The following PLA2G4A variants were observed in gnomAD, a reference collection of about 807,000 sequenced individuals.
PLA2G4A encodes phospholipase A2 group IVA, also known as cytosolic phospholipase A2.
PLA2G4A carries 40 observed loss-of-function variants against 81.9 expected under a neutral mutation model. The observed-to-expected ratio is 0.49, with a 90% CI of 0.38 to 0.64. PLA2G4A has a LOEUF of 0.64. Among genes scored for constraint, PLA2G4A ranks in the 30% least tolerant of loss-of-function variants. The pLI is 0.00. For missense variants in PLA2G4A, 715 were observed against 905.1 expected (o/e 0.79, Z 2.69); for synonymous variants, 302 against 296.9 (o/e 1.02, Z -0.18).
intron 15 of PLA2G4A, among the ~76,000 whole-genome samples, chr1:186,969,053 T>C (rs1048659761): frequency 4.6e-5 from 7 of 151,914 alleles, no homozygotes; most frequent in African/African-American, 1.4e-4. Flanking sequence ...TTCCTATTAA[T>C]AAACATTCTT....
intron 16 of PLA2G4A, 47 bp downstream of exon 16, chr1:186,977,835 G>T (rs1384956453): frequency 8.2e-7 from 1 of 1,216,228 alleles, no homozygotes; most frequent in Admixed American, 1.7e-5. Flanking sequence ...ATTAAGTAGG[G>T]GACGAAACTG....
At chr1:186,835,972 C>A (rs1001140404) in intron 1 of PLA2G4A, among the ~76,000 whole-genome samples, 1 of 152,204 alleles carries the variant, frequency 6.6e-6, no homozygotes, top group East Asian at 1.9e-4. Flanking sequence ...TATTTACATG[C>A]ATTTTTTCCC....
intron 3 of PLA2G4A, among the ~76,000 whole-genome samples, chr1:186,882,994 GT>G (rs78286307): frequency 0.029 from 4,334 of 151,340 alleles, 215 homozygotes; most frequent in African/African-American, 0.099. Flanking sequence ...TTTTATTTTA[GT>G]TTTTTTTTGT....
intron 15 of PLA2G4A, among the ~76,000 whole-genome samples, chr1:186,968,337 G>A (rs920035042): frequency 6.6e-6 from 1 of 151,054 alleles, no homozygotes; most frequent in Non-Finnish European, 1.5e-5. Flanking sequence ...TATAAATGCA[G>A]TACTTCCAGA....
intron 1 of PLA2G4A, among the ~76,000 whole-genome samples, chr1:186,846,971 G>C (rs1169861771): frequency 6.6e-6 from 1 of 151,832 alleles, no homozygotes; most frequent in Non-Finnish European, 1.5e-5. Flanking sequence ...TCTAGTCCCT[G>C]ACCGCTCCTC....
At chr1:186,895,754 G>A (rs1363930699) in intron 5 of PLA2G4A, among the ~76,000 whole-genome samples, 3 of 152,170 alleles carry the variant, frequency 2.0e-5, no homozygotes, top group African/African-American at 7.2e-5. Context: ...AGCAGTAGCT[G>A]ATTTTGAACA....
intron 1 of PLA2G4A, among the ~76,000 whole-genome samples, chr1:186,852,924 A>T (rs1163995918): frequency 6.6e-6 from 1 of 152,026 alleles, no homozygotes; most frequent in Non-Finnish European, 1.5e-5. Flanking sequence ...CCTCATCTTT[A>T]TTTAAAAAGT....
chr1:186,902,190 C>A (rs75228710), intron 5 of PLA2G4A, among the ~76,000 whole-genome samples: 1 of 152,058 alleles, frequency 6.6e-6, no homozygotes, highest in African/African-American at 2.4e-5. Flanking sequence ...CATATCTAAA[C>A]GTACAAAAGA....
chr1:186,879,544 T>G (rs533410039), intron 3 of PLA2G4A, among the ~76,000 whole-genome samples: 1 of 152,078 alleles, frequency 6.6e-6, no homozygotes, highest in East Asian at 1.9e-4. Context: ...CAAATCTCCC[T>G]TCTGCTACTT....
intron 2 of PLA2G4A, among the ~76,000 whole-genome samples, chr1:186,867,142 T>G (rs1653063996): frequency 6.6e-6 from 1 of 152,140 alleles, no homozygotes; most frequent in African/African-American, 2.4e-5. Context: ...ATAGGGTCAG[T>G]CCTCTAATTT....
intron 2 of PLA2G4A, among the ~76,000 whole-genome samples, chr1:186,854,911 G>T (rs555004170): frequency 6.6e-6 from 1 of 151,986 alleles, no homozygotes; most frequent in East Asian, 1.9e-4. Flanking sequence ...AAGTATACAT[G>T]CTCTCTTCTG....
chr1:186,862,963 A>G (rs1652871117), intron 2 of PLA2G4A, among the ~76,000 whole-genome samples: 1 of 152,210 alleles, frequency 6.6e-6, no homozygotes, highest in African/African-American at 2.4e-5. Flanking sequence ...TGCTATAGAT[A>G]TTTAGTTACC....
chr1:186,894,512 CA>C (rs1295719553), intron 5 of PLA2G4A, among the ~76,000 whole-genome samples: 2 of 151,806 alleles, frequency 1.3e-5, no homozygotes, highest in Non-Finnish European at 2.9e-5. Context: ...AAATTTAATA[CA>C]AAAAATTGGG....
chr1:186,882,435 C>T (rs1653771448), intron 3 of PLA2G4A, among the ~76,000 whole-genome samples: 1 of 152,106 alleles, frequency 6.6e-6, no homozygotes, highest in Admixed American at 6.6e-5. Flanking sequence ...AACATAACAA[C>T]ATGTACAACT....
intron 7 of PLA2G4A, among the ~76,000 whole-genome samples, chr1:186,913,026 G>A (rs1277976442): frequency 6.6e-6 from 1 of 150,762 alleles, no homozygotes; most frequent in Non-Finnish European, 1.5e-5. Context: ...TCTTGTTAAT[G>A]ATAATGGAAT....
intron 1 of PLA2G4A, among the ~76,000 whole-genome samples, chr1:186,829,668 T>C (rs533350311): frequency 6.6e-6 from 1 of 152,220 alleles, no homozygotes; most frequent in South Asian, 2.1e-4. Context: ...CTAGAAAAGA[T>C]TTGATCAAAT....
intron 3 of PLA2G4A, among the ~76,000 whole-genome samples, chr1:186,874,083 C>T (rs539256537): frequency 1.6e-4 from 24 of 152,190 alleles, no homozygotes; most frequent in Middle Eastern, 3.4e-3. Context: ...TTTAAACCTA[C>T]AGGAAGTTGT....
intron 1 of PLA2G4A, among the ~76,000 whole-genome samples, chr1:186,840,452 A>T (rs961156700): frequency 1.3e-5 from 2 of 152,196 alleles, no homozygotes; most frequent in African/African-American, 2.4e-5. Context: ...CATGTTACCC[A>T]GTTCAGGAAC....
intron 10 of PLA2G4A, among the ~76,000 whole-genome samples, chr1:186,940,780 G>A (rs1462560400): frequency 6.6e-6 from 1 of 152,128 alleles, no homozygotes. Context: ...TTTTTGATCT[G>A]CAGTTGATAG....
Sources: allele counts gnomAD v4.1 joint callset (sites outside exome capture counted in the v4.1 genomes callset), GRCh38; gene constraint gnomAD v4.1.1; transcripts MANE v1.5; gene names NCBI Gene and HGNC (gene_info 2026-07-23, HGNC 2026-07-21).